CNKSR2: variants seen among roughly 807,000 people sequenced by gnomAD.
CNKSR2 encodes CNK homolog protein 2.
In CNKSR2, 14 loss-of-function variants were observed where a neutral mutation model predicts 84.4. That is an observed-to-expected ratio of 0.17 (90% confidence interval 0.11 to 0.26). The LOEUF (loss-of-function observed/expected upper bound fraction) is 0.26, where lower values mean the gene tolerates loss of function less well. Ranked by LOEUF, CNKSR2 falls within the 10% of genes least tolerant of loss-of-function variation. CNKSR2 has a pLI of 1.00. For synonymous variants in CNKSR2, 275 were observed against 277.9 expected (o/e 0.99, Z 0.10); for missense variants, 485 against 771.2 (o/e 0.63, Z 4.40).
At chrX:21,590,072 C>T (rs1179853316) in intron 13 of CNKSR2, among the ~76,000 whole-genome samples, 1 of 110,893 alleles carries the variant, frequency 9.0e-6, no homozygotes, top group African/African-American at 3.3e-5. Context: ...ATAATAGTGA[C>T]AGAAGTAGGC....
chrX:21,421,995 G>A (rs2090503867), intron 1 of CNKSR2: 1 of 111,726 alleles, frequency 9.0e-6, no homozygotes. Flanking sequence ...TCATCCTCAA[G>A]TTTGATGTAG....
chrX:21,506,826 T>G (rs2091617283), intron 8 of CNKSR2: 1 of 111,369 alleles, frequency 9.0e-6, no homozygotes. Flanking sequence ...GTGGTTACTA[T>G]GATCTAGTTA....
chrX:21,559,679 G>A (rs2092170875), intron 11 of CNKSR2, among the ~76,000 whole-genome samples: 1 of 111,187 alleles, frequency 9.0e-6, no homozygotes, highest in East Asian at 2.8e-4. Context: ...GTCGCCATGT[G>A]AGGACATGTT....
Position 21,374,630 on chromosome X carries a change from A to AACC in CNKSR2, c.-268_-267insACC. The AACC allele has an allele frequency of 2.2e-6, 1 of 448,647 alleles. No individual in the cohort carries two copies. The highest frequency in any genetic ancestry group is 2.8e-5 in the South Asian group (1 of 35,351). The allele number at this position is 448,647 out of a possible 1,213,427, so 37.0% of individuals were successfully genotyped here. On this transcript the variant is annotated 5_prime_UTR_variant, in exon 1 of 22. Transcript: ENST00000379510. ...CAGCAGCAGCAGCAGCAGCAGCAGC[A>AACC]GCCGCCGCCGCCGCCGCCTTAGCGG...
At chrX:21,467,686 GTTC>G (rs1487525488) in intron 4 of CNKSR2, among the ~76,000 whole-genome samples, 1 of 111,410 alleles carries the variant, frequency 9.0e-6, no homozygotes, top group Non-Finnish European at 1.9e-5. Context: ...TAAATAGTAA[GTTC>G]TTAATTTTAA....
At chrX:21,468,952 A>G (rs1216521961) in intron 4 of CNKSR2, among the ~76,000 whole-genome samples, 1 of 111,840 alleles carries the variant, frequency 8.9e-6, no homozygotes, top group Non-Finnish European at 1.9e-5. Context: ...ACCATCTAAC[A>G]TCATATGATT....
chrX:21,462,019 T>C (rs2091067175), intron 4 of CNKSR2, among the ~76,000 whole-genome samples: 1 of 112,190 alleles, frequency 8.9e-6, no homozygotes, highest in African/African-American at 3.2e-5. Context: ...TGGCTATTCT[T>C]TTGTGGTTCC....
intron 10 of CNKSR2, among the ~76,000 whole-genome samples, chrX:21,528,393 C>T (rs768116672): frequency 2.1e-4 from 23 of 111,284 alleles, no homozygotes; most frequent in Non-Finnish European, 3.8e-4. Flanking sequence ...GGGCTACATA[C>T]ACAGATAAAC....
At chrX:21,451,831 T>C (rs1291952139) in intron 4 of CNKSR2, among the ~76,000 whole-genome samples, 1 of 110,006 alleles carries the variant, frequency 9.1e-6, no homozygotes, top group East Asian at 2.9e-4. Flanking sequence ...ACGTGTACCC[T>C]AAAACTTAAA....
chrX:21,640,345 A>G (rs2092687613), intron 20 of CNKSR2, among the ~76,000 whole-genome samples: 1 of 111,835 alleles, frequency 8.9e-6, no homozygotes. Context: ...GTGAAATTCC[A>G]TGACCTTGTG....
intron 20 of CNKSR2, among the ~76,000 whole-genome samples, chrX:21,621,791 A>C (rs1346897795): frequency 1.8e-5 from 2 of 110,959 alleles, no homozygotes; most frequent in Non-Finnish European, 3.8e-5. Context: ...CCCCAAAAGA[A>C]GTCATTTTAA....
chrX:21,412,301 C>T (rs2090356228), intron 1 of CNKSR2, among the ~76,000 whole-genome samples: 1 of 112,050 alleles, frequency 8.9e-6, no homozygotes, highest in Non-Finnish European at 1.9e-5. Context: ...GGCAAGTCCT[C>T]CTTGGAGAAG....
In CNKSR2 at chrX:21,473,745, G is replaced by GTTTTTTTTTTTTTTTTTTT. The variant is rs768497403; in HGVS notation, c.561+2939_561+2957dup. ...TAGGTTTTTTGTTGTTGTTGGTTTG[G>GTTTTTTTTTTTTTTTTTTT]TTTTTTTTTTTTTTTTTTTGAGACA... On this transcript the variant is annotated intron_variant, in intron 5 of 21. Transcript: ENST00000379510. 2.6e-3 allele frequency among the ~76,000 whole-genome samples: 173 copies of GTTTTTTTTTTTTTTTTTTT among 67,196 alleles called. 40 individuals are homozygous for GTTTTTTTTTTTTTTTTTTT. The highest frequency in any genetic ancestry group is 0.017 in the African/African-American group (166 of 9,705). 58.4% of individuals were successfully genotyped at this position (67,196 alleles called of 115,157 possible).
intron 5 of CNKSR2, 149 bp from the exon 6 acceptor site, chrX:21,490,310 A>G: frequency 2.0e-6 from 1 of 503,902 alleles, no homozygotes; most frequent in Non-Finnish European, 3.1e-6. Context: ...ATTTCACCTG[A>G]ATTTCTTTGT....
intron 4 of CNKSR2, among the ~76,000 whole-genome samples, chrX:21,464,041 G>A (rs1427407855): frequency 3.6e-5 from 4 of 111,930 alleles, no homozygotes; most frequent in Non-Finnish European, 7.5e-5. Flanking sequence ...AAGAGTTGCT[G>A]TCCTTGTGGC....
At chrX:21,432,056 T>C (rs951221212) in intron 2 of CNKSR2, among the ~76,000 whole-genome samples, 2 of 111,933 alleles carry the variant, frequency 1.8e-5, no homozygotes, top group African/African-American at 6.5e-5. Context: ...TTTTTCCTGA[T>C]ACCATATTAT....
chrX:21,500,866 T>A (rs1050669845), intron 7 of CNKSR2, among the ~76,000 whole-genome samples: 8 of 111,697 alleles, frequency 7.2e-5, no homozygotes, highest in African/African-American at 2.6e-4. Context: ...AGAAATAGCA[T>A]CCTCTTATAA....
intron 17 of CNKSR2, among the ~76,000 whole-genome samples, chrX:21,597,621 G>A (rs2092457545): frequency 9.1e-6 from 1 of 110,444 alleles, no homozygotes; most frequent in South Asian, 3.8e-4. Context: ...ATAGAAGGGG[G>A]AAAGAGTCAG....
At chrX:21,509,919 T>C (rs1185495424) in intron 8 of CNKSR2, among the ~76,000 whole-genome samples, 2 of 111,874 alleles carry the variant, frequency 1.8e-5, no homozygotes, top group Non-Finnish European at 3.8e-5. Context: ...AAATGTTTAA[T>C]TTATTAGATA....
Sources: allele counts gnomAD v4.1 joint callset (sites outside exome capture counted in the v4.1 genomes callset), GRCh38; gene constraint gnomAD v4.1.1; transcripts MANE v1.5; gene names NCBI Gene and HGNC (gene_info 2026-07-23, HGNC 2026-07-21).